SLC39A11: variants seen among roughly 807,000 people sequenced by gnomAD.
The protein encoded by SLC39A11 is zinc transporter ZIP11.
SLC39A11 carries 33 observed loss-of-function variants against 36.1 expected under a neutral mutation model. That is an observed-to-expected ratio of 0.91 (90% CI 0.69 to 1.22). The LOEUF (loss-of-function observed/expected upper bound fraction) is 1.22. SLC39A11 is among the 50% of genes most tolerant of loss of function. SLC39A11 has a pLI of 0.00. For missense variants in SLC39A11, 432 were observed against 430.3 expected (o/e 1.00, Z -0.03); for synonymous variants, 166 against 170.3 (o/e 0.97, Z 0.20).
intron 3 of SLC39A11, among the ~76,000 whole-genome samples, chr17:73,068,487 AACTC>A (rs2060065248): frequency 6.6e-6 from 1 of 152,144 alleles, no homozygotes; most frequent in African/African-American, 2.4e-5. Flanking sequence ...CCAAAGTACA[AACTC>A]ACTCAAACAA....
At chr17:73,061,200 A>G (rs771695293) in intron 3 of SLC39A11, among the ~76,000 whole-genome samples, 24 of 152,140 alleles carry the variant, frequency 1.6e-4, no homozygotes, top group Non-Finnish European at 2.9e-4. Flanking sequence ...TCTCTACTGA[A>G]AATACAAAAA....
intron 7 of SLC39A11, among the ~76,000 whole-genome samples, chr17:72,669,138 A>AGGAGAATG (rs2070882852): frequency 6.6e-6 from 1 of 152,378 alleles, no homozygotes; most frequent in Admixed American, 6.5e-5. Context: ...GTAGTTATGC[A>AGGAGAATG]GGAGAATGTT....
chr17:72,667,006 A>G (rs1244064809), intron 7 of SLC39A11, among the ~76,000 whole-genome samples: 2 of 152,208 alleles, frequency 1.3e-5, no homozygotes, highest in East Asian at 3.9e-4. Context: ...GATAATGTCC[A>G]GGGCTTGCTG....
chr17:72,698,761 C>T (rs1014477721), intron 7 of SLC39A11, among the ~76,000 whole-genome samples: 5 of 152,166 alleles, frequency 3.3e-5, no homozygotes, highest in Non-Finnish European at 7.4e-5. Flanking sequence ...TACAAACATT[C>T]CTCCAGTGTG....
rs753652853 is a variant in SLC39A11 at position 72,649,183 on chromosome 17, A to G, written c.757T>C (p.Trp253Arg). Residue 253 changes from tryptophan (W) to arginine (R), a missense_variant, in exon 8 of 10, where the codon TGG becomes CGG. Trp to Arg is a moderately radical substitution (Grantham distance 101). Transcript: ENST00000255559. ...GGCAGCACTCACCAGAAAGCTCTCC[A>G]GGTGGAGAAGCCTGCCCCTCGCAAG... is the stretch of plus-strand genomic sequence containing the variant. ...LPLRGAGFSTWRAFWYGQLSG... is the reference protein window; with the variant it reads ...LPLRGAGFSTRRAFWYGQLSG... The G allele has an allele frequency of 6.2e-7, 1 of 1,613,848 alleles. No individual in the cohort carries two copies. The highest frequency in any genetic ancestry group is 1.1e-5 in the South Asian group (1 of 91,016).
intron 6 of SLC39A11, among the ~76,000 whole-genome samples, chr17:72,807,907 T>C (rs62071200): frequency 0.08 from 12,192 of 152,244 alleles, 650 homozygotes; most frequent in Non-Finnish European, 0.11. Context: ...CCTAGATTGG[T>C]GTTTAGCATC....
chr17:72,870,874 T>C (rs2080576900), intron 5 of SLC39A11, among the ~76,000 whole-genome samples: 1 of 152,206 alleles, frequency 6.6e-6, no homozygotes, highest in South Asian at 2.1e-4. Flanking sequence ...AGAGGTATGA[T>C]ACTGTGATAG....
chr17:72,741,858 T>C (rs1016404051), intron 6 of SLC39A11, among the ~76,000 whole-genome samples: 1 of 151,622 alleles, frequency 6.6e-6, no homozygotes, highest in African/African-American at 2.4e-5. Flanking sequence ...TGTTCAATAT[T>C]TTAAGGTTTG....
intron 7 of SLC39A11, among the ~76,000 whole-genome samples, chr17:72,686,455 C>A (rs2071754773): frequency 1.3e-5 from 2 of 152,214 alleles, no homozygotes; most frequent in African/African-American, 4.8e-5. Context: ...CCTTACCCAG[C>A]ATGGCTCTTG....
chr17:72,715,032 A>G (rs76155860), intron 7 of SLC39A11, among the ~76,000 whole-genome samples: 4,307 of 152,256 alleles, frequency 0.028, 125 homozygotes, highest in East Asian at 0.069. Context: ...CGTGATGTCT[A>G]TTCTCACTCA....
intron 6 of SLC39A11, among the ~76,000 whole-genome samples, chr17:72,775,522 G>A (rs982946972): frequency 2.0e-5 from 3 of 152,100 alleles, no homozygotes; most frequent in African/African-American, 7.2e-5. Flanking sequence ...AACAAATGGT[G>A]CAACTCAGTG....
At chr17:72,907,247 C>T (rs1567927965) in intron 5 of SLC39A11, among the ~76,000 whole-genome samples, 1 of 152,244 alleles carries the variant, frequency 6.6e-6, no homozygotes, top group South Asian at 2.1e-4. Context: ...ACCTGCACTT[C>T]GGGAGGCCGA....
intron 7 of SLC39A11, among the ~76,000 whole-genome samples, chr17:72,669,471 G>T (rs1418402741): frequency 6.6e-6 from 1 of 152,110 alleles, no homozygotes; most frequent in Non-Finnish European, 1.5e-5. Flanking sequence ...TCTCAAATTT[G>T]GGTTTCTCTG....
intron 5 of SLC39A11, among the ~76,000 whole-genome samples, chr17:72,857,897 T>C (rs554174010): frequency 2.0e-5 from 3 of 152,334 alleles, no homozygotes; most frequent in Admixed American, 1.3e-4. Context: ...ATGCATAGTT[T>C]GCAAAAATTT....
chr17:72,662,828 AAGAG>A (rs1394027588), intron 7 of SLC39A11, among the ~76,000 whole-genome samples: 1 of 152,002 alleles, frequency 6.6e-6, no homozygotes, highest in African/African-American at 2.4e-5. Context: ...AAGAAAGAGA[AAGAG>A]AGAAAGAAAG....
chr17:72,956,878 T>C (rs927690373), intron 4 of SLC39A11, among the ~76,000 whole-genome samples: 8 of 152,166 alleles, frequency 5.3e-5, no homozygotes, highest in African/African-American at 1.9e-4. Context: ...CAAAACTTAG[T>C]GGTTTAAAAA....
At chr17:73,078,556 G>A (rs1007030016) in intron 3 of SLC39A11, among the ~76,000 whole-genome samples, 5 of 150,666 alleles carry the variant, frequency 3.3e-5, no homozygotes, top group Non-Finnish European at 7.4e-5. Flanking sequence ...GCGCAATCTC[G>A]GCTCACTGCA....
intron 4 of SLC39A11, among the ~76,000 whole-genome samples, chr17:72,958,822 G>T (rs2086410736): frequency 6.6e-6 from 1 of 150,744 alleles, no homozygotes; most frequent in East Asian, 1.9e-4. Flanking sequence ...CTGCACTCCA[G>T]CCTGGGCGAC....
intron 3 of SLC39A11, among the ~76,000 whole-genome samples, chr17:73,070,198 C>T (rs996374930): frequency 3.3e-5 from 5 of 152,168 alleles, no homozygotes; most frequent in East Asian, 1.9e-4. Flanking sequence ...AGGACAGGCC[C>T]GAGTTCCCAG....
Sources: allele counts gnomAD v4.1 joint callset (sites outside exome capture counted in the v4.1 genomes callset), GRCh38; gene constraint gnomAD v4.1.1; transcripts MANE v1.5; gene names NCBI Gene and HGNC (gene_info 2026-07-23, HGNC 2026-07-21).